The following GLOD4 variants were observed in gnomAD, a reference collection of about 807,000 sequenced individuals.
The protein encoded by GLOD4 is glyoxalase domain-containing protein 4.
A neutral mutation model predicts 39.1 loss-of-function variants in GLOD4; 44 were observed. That is an observed-to-expected ratio of 1.13 (90% CI 0.88 to 1.45). The LOEUF (loss-of-function observed/expected upper bound fraction) is 1.45, where lower values mean the gene tolerates loss of function less well. GLOD4 is among the 40% of genes most tolerant of loss of function. The probability of loss-of-function intolerance (pLI) is 0.00; values close to 1 mark genes in which losing one functional copy is unlikely to be tolerated. For synonymous variants in GLOD4, 145 were observed against 135.0 expected, an observed-to-expected ratio of 1.07 and a Z score of -0.52; for missense variants, 405 against 366.4, an observed-to-expected ratio of 1.11 and a Z score of -0.86.
At chr17:772,869 C>T (rs1908222075) in intron 4 of GLOD4, among the ~76,000 whole-genome samples, 3 of 152,038 alleles carry the variant, frequency 2.0e-5, no homozygotes, top group Admixed American at 2.0e-4. Flanking sequence ...CTGGCGGGCG[C>T]CTGTGGTCCC....
At chr17:778,029 G>A (rs1909250079) in intron 2 of GLOD4, among the ~76,000 whole-genome samples, 1 of 152,172 alleles carries the variant, frequency 6.6e-6, no homozygotes, top group South Asian at 2.1e-4. Context: ...ACGTAGGGAG[G>A]TGCTGGATTG....
At chr17:763,035 G>A (rs1342283766) in intron 8 of GLOD4, among the ~76,000 whole-genome samples, 1 of 152,092 alleles carries the variant, frequency 6.6e-6, no homozygotes, top group Non-Finnish European at 1.5e-5. Flanking sequence ...AAATTAGCCA[G>A]GTGTGGTGGT....
intron 4 of GLOD4, among the ~76,000 whole-genome samples, chr17:774,311 C>A (rs182505462): frequency 6.6e-6 from 1 of 152,134 alleles, no homozygotes; most frequent in Non-Finnish European, 1.5e-5. Context: ...GACAGGAGGC[C>A]GACCAGTGAA....
At chr17:781,939 G>C (rs1302258520) in intron 1 of GLOD4, 1 of 520,082 alleles carries the variant, frequency 1.9e-6, no homozygotes, top group East Asian at 3.0e-5. Flanking sequence ...ATGAAAGGAC[G>C]TGCGTGGGCA....
chr17:760,264 C>T (rs768235571), intron 8 of GLOD4, 26 bp from the exon 9 acceptor site: 2 of 1,310,770 alleles, frequency 1.5e-6, no homozygotes, highest in African/African-American at 1.4e-5. Flanking sequence ...AGAATATACA[C>T]TGACTCCAAG....
intron 4 of GLOD4, among the ~76,000 whole-genome samples, chr17:773,509 G>GGTGT (rs145865391): frequency 1.3e-5 from 2 of 151,966 alleles, no homozygotes; most frequent in African/African-American, 4.8e-5. Flanking sequence ...TGGGTACATG[G>GGTGT]GTGTGTGTGT....
At chr17:782,823 G>A (rs946320581), upstream of GLOD4, 54 of 1,007,608 alleles carry the variant, frequency 5.4e-5, no homozygotes, top group African/African-American at 8.7e-4. Flanking sequence ...ACAGAGGGCC[G>A]AATAAGCGTC....
chr17:773,358 ATTGT>A lies in GLOD4; in HGVS notation c.407-1901_407-1898del, dbSNP rs536830851. On this transcript the variant is annotated intron_variant, in intron 4 of 8. Coordinates refer to ENST00000301329, the MANE Select transcript of GLOD4 (RefSeq NM_016080.4). ...CGACATAAATATCCAACAATAGAGAATTGTTTCTCTTCCTACAATGTAATAATAC... is the reference window on the plus strand; with the variant it reads ...CGACATAAATATCCAACAATAGAGAATTCTCTTCCTACAATGTAATAATAC... Among the ~76,000 whole-genome samples, 186 of 152,334 alleles carry A rather than the reference ATTGT, an allele frequency of 1.2e-3. 1 individual carries two copies. Among genetic ancestry groups the A allele is most frequent in the African/African-American group, 4.3e-3 (178 of 41,578 alleles).
intron 8 of GLOD4, among the ~76,000 whole-genome samples, chr17:768,391 A>T: frequency 7.2e-6 from 1 of 138,810 alleles, no homozygotes; most frequent in East Asian, 2.3e-4. Context: ...AGAGGACGTA[A>T]GAGAGAGAAA....
chr17:782,572 C>T (rs756246672), upstream of GLOD4: 2 of 1,614,084 alleles, frequency 1.2e-6, no homozygotes, highest in Admixed American at 1.7e-5. Context: ...CCATCTGAGG[C>T]CAGTGCCCAG....
At chr17:781,433 T>C (rs758178443) in intron 1 of GLOD4, among the ~76,000 whole-genome samples, 4 of 152,252 alleles carry the variant, frequency 2.6e-5, no homozygotes, top group South Asian at 2.1e-4. Context: ...TGCACCTTTG[T>C]TGCCAAAACT....
At chr17:776,698 T>C (rs185878577) in intron 3 of GLOD4, among the ~76,000 whole-genome samples, 170 bp downstream of exon 3, 140 of 152,314 alleles carry the variant, frequency 9.2e-4, no homozygotes, top group African/African-American at 3.2e-3. Flanking sequence ...GAATATTCTC[T>C]GCCTGGAACG....
At chr17:772,752 T>C (rs1908190176) in intron 4 of GLOD4, among the ~76,000 whole-genome samples, 1 of 152,006 alleles carries the variant, frequency 6.6e-6, no homozygotes, top group African/African-American at 2.4e-5. Context: ...TCCCAGCACT[T>C]TGGGAGGCTG....
intron 8 of GLOD4, among the ~76,000 whole-genome samples, chr17:762,688 A>T (rs1905714396): frequency 6.6e-6 from 1 of 150,874 alleles, no homozygotes; most frequent in Non-Finnish European, 1.5e-5. Flanking sequence ...ATCACCATCC[A>T]GGCCCCGGCC....
At chr17:784,869 GCT>G (rs371457230), upstream of GLOD4, among the ~76,000 whole-genome samples, 316 of 152,288 alleles carry the variant, frequency 2.1e-3, no homozygotes, top group African/African-American at 7.0e-3. Flanking sequence ...CGAAGTGGAG[GCT>G]CTCTCACAGC....
Position 776,174 on chromosome 17 carries a change from G to A in GLOD4, c.262-255C>T, listed in dbSNP as rs116858415. ...TGATTCATTTAACACCAAAGATAAC[G>A]TCTTCTAATTCTAAAGATCTAGCCA... On this transcript the variant is annotated intron_variant, in intron 3 of 8. Transcript: ENST00000301329. 1.1e-3 allele frequency among the ~76,000 whole-genome samples: 169 copies of A among 152,292 alleles called. 1 individual carries two copies. Among genetic ancestry groups the A allele is most frequent in the Non-Finnish European group, 1.9e-3 (130 of 68,030 alleles).
chr17:768,388 G>GT (rs1300056096), intron 8 of GLOD4, among the ~76,000 whole-genome samples: 1 of 144,214 alleles, frequency 6.9e-6, no homozygotes, highest in Non-Finnish European at 1.5e-5. Flanking sequence ...TGGAGAGGAC[G>GT]TAAGAGAGAG....
upstream of GLOD4, chr17:783,400 G>T (rs1311228857): frequency 7.0e-7 from 1 of 1,438,128 alleles, no homozygotes; most frequent in African/African-American, 1.4e-5. Context: ...GCAATGGCGC[G>T]ATCTCGGCCC....
intron 8 of GLOD4, among the ~76,000 whole-genome samples, chr17:766,201 G>T (rs2144309897): frequency 6.6e-6 from 1 of 152,194 alleles, no homozygotes; most frequent in South Asian, 2.1e-4. Context: ...GGGAGGCTGA[G>T]GTGGGAGGAT....
Sources: gnomAD v4.1 joint callset for allele counts (sites outside exome capture counted in the v4.1 genomes callset) on GRCh38, gnomAD v4.1.1 for gene constraint, MANE v1.5 for transcripts, NCBI Gene and HGNC (gene_info 2026-07-23, HGNC 2026-07-21) for gene names.